CDH12: variants seen among roughly 807,000 people sequenced by gnomAD.
CDH12 encodes the protein cadherin-12.
CDH12 carries 41 observed loss-of-function variants against 74.1 expected under a neutral mutation model. That is an observed-to-expected ratio of 0.55 (90% CI 0.43 to 0.72). The LOEUF (loss-of-function observed/expected upper bound fraction) is 0.72, where lower values mean the gene tolerates loss of function less well. Ranked by LOEUF, CDH12 falls within the 30% of genes least tolerant of loss-of-function variation. CDH12 has a pLI of 0.00. For missense variants in CDH12, 945 were observed against 977.2 expected (o/e 0.97, Z 0.44); for synonymous variants, 399 against 355.0 (o/e 1.12, Z -1.39).
intron 3 of CDH12, among the ~76,000 whole-genome samples, chr5:22,279,048 T>C (rs911594339): frequency 6.6e-6 from 1 of 151,140 alleles, no homozygotes; most frequent in African/African-American, 2.5e-5. Context: ...AAATGTAACA[T>C]ATATTATATC....
chr5:21,936,770 G>A (rs1185345620), intron 6 of CDH12, among the ~76,000 whole-genome samples: 1 of 152,074 alleles, frequency 6.6e-6, no homozygotes, highest in Non-Finnish European at 1.5e-5. Flanking sequence ...CAAAGGGGTG[G>A]TTTTCTATGC....
chr5:22,118,356 G>C (rs1405669083), intron 4 of CDH12, among the ~76,000 whole-genome samples: 1 of 151,958 alleles, frequency 6.6e-6, no homozygotes, highest in Non-Finnish European at 1.5e-5. Flanking sequence ...TATTGTTTCA[G>C]CCTTTTACAT....
chr5:21,947,071 G>A (rs1755611594), intron 6 of CDH12, among the ~76,000 whole-genome samples: 1 of 152,196 alleles, frequency 6.6e-6, no homozygotes, highest in African/African-American at 2.4e-5. Context: ...GCCTTGTGAA[G>A]AAGCCAACTG....
chr5:22,437,607 T>G (rs1744458409), intron 2 of CDH12, among the ~76,000 whole-genome samples: 1 of 151,688 alleles, frequency 6.6e-6, no homozygotes, highest in Non-Finnish European at 1.5e-5. Flanking sequence ...GTACATTCTT[T>G]TATAAATTTT....
intron 6 of CDH12, chr5:21,882,676 A>G: frequency 6.2e-7 from 1 of 1,603,134 alleles, no homozygotes; most frequent in South Asian, 1.1e-5. Flanking sequence ...CCAAAGATGT[A>G]AAATTTGGTG....
At chr5:22,664,027 T>C (rs1431840978) in intron 1 of CDH12, among the ~76,000 whole-genome samples, 2 of 152,172 alleles carry the variant, frequency 1.3e-5, no homozygotes, top group African/African-American at 4.8e-5. Context: ...AGTCCTTTTA[T>C]TATGCAGATT....
At chr5:22,265,059 G>C (rs925839496) in intron 3 of CDH12, among the ~76,000 whole-genome samples, 1 of 152,122 alleles carries the variant, frequency 6.6e-6, no homozygotes, top group Non-Finnish European at 1.5e-5. Context: ...TTAGCTACTT[G>C]AGAAAACAGC....
chr5:22,242,366 T>C (rs1752781312), intron 3 of CDH12, among the ~76,000 whole-genome samples: 1 of 152,182 alleles, frequency 6.6e-6, no homozygotes, highest in South Asian at 2.1e-4. Context: ...TTTTCGTTTT[T>C]TTCATTTGAG....
chr5:21,804,639 T>C (rs1173942282), intron 9 of CDH12, among the ~76,000 whole-genome samples: 1 of 32,430 alleles, frequency 3.1e-5, no homozygotes, highest in Non-Finnish European at 8.0e-5. Flanking sequence ...CTATAGTGAA[T>C]TAAAACACAC....
intron 2 of CDH12, among the ~76,000 whole-genome samples, chr5:22,434,466 G>A (rs936284928): frequency 4.0e-5 from 6 of 151,712 alleles, no homozygotes; most frequent in African/African-American, 1.5e-4. Context: ...ATTTCCATTT[G>A]AGCGTGTCAT....
chr5:22,157,989 C>T (rs191858755), intron 4 of CDH12, among the ~76,000 whole-genome samples: 5 of 151,796 alleles, frequency 3.3e-5, no homozygotes, highest in African/African-American at 9.7e-5. Context: ...AAATAATTGT[C>T]TAGGTGTAAA....
intron 4 of CDH12, among the ~76,000 whole-genome samples, chr5:22,128,178 C>T (rs1745988115): frequency 6.6e-6 from 1 of 152,144 alleles, no homozygotes; most frequent in African/African-American, 2.4e-5. Context: ...GTTAGAGCCA[C>T]AGATGAGCTC....
intron 1 of CDH12, among the ~76,000 whole-genome samples, chr5:22,671,133 C>T (rs952240164): frequency 6.6e-6 from 1 of 151,892 alleles, no homozygotes; most frequent in Non-Finnish European, 1.5e-5. Context: ...CAAATAAGTG[C>T]ATATATTTAA....
intron 1 of CDH12, among the ~76,000 whole-genome samples, chr5:22,810,745 G>A (rs1166048267): frequency 6.6e-6 from 1 of 152,038 alleles, no homozygotes; most frequent in Non-Finnish European, 1.5e-5. Flanking sequence ...CCGGGCCAGT[G>A]GTATACGCAT....
At chr5:22,383,987 A>T (rs1019555987) in intron 3 of CDH12, among the ~76,000 whole-genome samples, 9 of 152,208 alleles carry the variant, frequency 5.9e-5, no homozygotes, top group African/African-American at 2.2e-4. Flanking sequence ...TTGTTATACT[A>T]GATGTAATAT....
intron 3 of CDH12, among the ~76,000 whole-genome samples, chr5:22,356,510 G>A (rs1260176802): frequency 2.0e-5 from 3 of 152,010 alleles, no homozygotes; most frequent in African/African-American, 7.2e-5. Context: ...TACTTCAGGT[G>A]GGCCTCCACA....
chr5:22,658,003 G>A (rs983022013), intron 1 of CDH12, among the ~76,000 whole-genome samples: 12 of 151,994 alleles, frequency 7.9e-5, no homozygotes, highest in Admixed American at 2.6e-4. Context: ...ACAAAGATGC[G>A]GCTTCATTAA....
At chr5:22,665,167 A>T (rs1364392528) in intron 1 of CDH12, among the ~76,000 whole-genome samples, 1 of 152,182 alleles carries the variant, frequency 6.6e-6, no homozygotes, top group Non-Finnish European at 1.5e-5. Context: ...TATGGACAAT[A>T]GTATAGAATC....
intron 1 of CDH12, among the ~76,000 whole-genome samples, chr5:22,695,022 A>T (rs904034712): frequency 2.6e-5 from 4 of 151,864 alleles, no homozygotes; most frequent in African/African-American, 9.7e-5. Context: ...CTGGTGTGTG[A>T]TGTTCCCCTC....
Sources: allele counts gnomAD v4.1 joint callset (sites outside exome capture counted in the v4.1 genomes callset), GRCh38; gene constraint gnomAD v4.1.1; transcripts MANE v1.5; gene names NCBI Gene and HGNC (gene_info 2026-07-23, HGNC 2026-07-21).